The following HMCN1 variants were observed in gnomAD, a reference collection of about 807,000 sequenced individuals.
HMCN1 encodes the protein hemicentin-1.
In HMCN1, 321 loss-of-function variants were observed where a neutral mutation model predicts 625.9. The ratio of observed to expected loss-of-function variants is 0.51; its 90% CI spans 0.47 to 0.56. HMCN1 has a LOEUF of 0.56. Among genes scored for constraint, HMCN1 ranks in the 20% least tolerant of loss-of-function variants. The pLI is 0.00. For missense variants in HMCN1, 6,588 were observed against 6,887.3 expected, an observed-to-expected ratio of 0.96 and a Z score of 1.54; for synonymous variants, 2,425 against 2,417.6, an observed-to-expected ratio of 1.00 and a Z score of -0.09.
intron 11 of HMCN1, among the ~76,000 whole-genome samples, chr1:185,951,326 T>A (rs1425664339): frequency 1.3e-5 from 2 of 151,568 alleles, no homozygotes; most frequent in East Asian, 3.9e-4. Context: ...AAGAGTATTG[T>A]CTAAGTTGGC....
intron 15 of HMCN1, among the ~76,000 whole-genome samples, chr1:185,975,304 G>A (rs1275736859): frequency 5.3e-5 from 8 of 152,144 alleles, no homozygotes; most frequent in Admixed American, 4.6e-4. Flanking sequence ...TTGGCTCACC[G>A]TTCTGCAGGC....
rs756789681 is a variant in HMCN1, at chr1:185,965,814, T to C, written c.2111T>C (p.Leu704Ser). 1 of 1,607,312 alleles carries C rather than the reference T, an allele frequency of 6.2e-7. No homozygotes were observed. The highest frequency in any genetic ancestry group is 8.5e-7 in the Non-Finnish European group (1 of 1,173,952). Residue 704 changes from leucine (L) to serine (S), a missense_variant, in exon 14 of 107, where the codon TTG (leucine) becomes TCG (serine). By Grantham distance (145) the Leu-to-Ser change is moderately radical. This residue lies in a region of HMCN1 where 4,628 missense variants were observed against 4,853.1 expected (regional missense o/e 0.95). Coordinates refer to ENST00000271588, the MANE Select transcript of HMCN1 (RefSeq NM_031935.3). ...STLRYIEAPKLMVVQSELLVA... is the reference protein window; with the variant it reads ...STLRYIEAPKSMVVQSELLVA... Reference sequence around the variant, plus strand: ...TTGTTTTTTTCAGAAGCCCCTAAGTTGATGGTAGTTCAGAGTGAGCTCTTG... The same window carrying C: ...TTGTTTTTTTCAGAAGCCCCTAAGTCGATGGTAGTTCAGAGTGAGCTCTTG...
At chr1:185,997,093 T>G (rs999330979) in intron 24 of HMCN1, among the ~76,000 whole-genome samples, 1 of 152,000 alleles carries the variant, frequency 6.6e-6, no homozygotes. Flanking sequence ...GACACAGATA[T>G]GTGAATATAT....
At chr1:185,837,630 GAT>G (rs1661247487) in intron 1 of HMCN1, among the ~76,000 whole-genome samples, 1 of 151,642 alleles carries the variant, frequency 6.6e-6, no homozygotes, top group Admixed American at 6.6e-5. Flanking sequence ...ATATCGATCT[GAT>G]ATATATTCTT....
chr1:185,905,017 A>T (rs1666019173), intron 4 of HMCN1, among the ~76,000 whole-genome samples: 1 of 151,800 alleles, frequency 6.6e-6, no homozygotes, highest in African/African-American at 2.4e-5. Flanking sequence ...GCATTTAAAA[A>T]TCCTAAGCTA....
At chr1:185,882,401 G>A (rs1188682338) in intron 4 of HMCN1, among the ~76,000 whole-genome samples, 1 of 151,744 alleles carries the variant, frequency 6.6e-6, no homozygotes, top group East Asian at 1.9e-4. Context: ...CAGCTAAGTG[G>A]TTTTAAACAG....
chr1:186,005,627 CATAAATGTAA>C (rs1364536833), intron 29 of HMCN1, among the ~76,000 whole-genome samples: 6 of 151,348 alleles, frequency 4.0e-5, no homozygotes, highest in Non-Finnish European at 8.8e-5. Context: ...CAAAAATGTT[CATAAATGTAA>C]AAAACATGGA....
chr1:185,961,521 G>A (rs1398655083), intron 11 of HMCN1, among the ~76,000 whole-genome samples: 3 of 152,144 alleles, frequency 2.0e-5, no homozygotes, highest in Non-Finnish European at 4.4e-5. Flanking sequence ...AAAGCTGTCT[G>A]TTTCAAACAC....
chr1:186,050,795 T>G (rs1281613890), intron 42 of HMCN1, among the ~76,000 whole-genome samples: 2 of 152,080 alleles, frequency 1.3e-5, no homozygotes, highest in Admixed American at 1.3e-4. Flanking sequence ...GCTTCCATCT[T>G]CTAGGCGCTA....
At position 186,108,590 on chromosome 1, in the gene HMCN1, G is replaced by C. The variant is rs141818688; in HGVS notation, c.10982G>C (p.Arg3661Pro). Residue 3661 changes from arginine (R) to proline (P), a missense_variant, in exon 71 of 107, where the codon CGG becomes CCG. Arg to Pro is a moderately radical substitution (Grantham distance 103). Transcript: ENST00000271588. ...PVITWLRNGE[R>P]LQATPRVRIL... ...ATTACTTGGCTCAGAAATGGAGAAC[G>C]GTTACAGGTAAATTTTTTGATAAGC... The C allele has an allele frequency of 7.1e-4, 1,148 of 1,613,978 alleles. 1 individual carries two copies. Among genetic ancestry groups the C allele is most frequent in the Admixed American group, 1.2e-3 (71 of 60,010 alleles).
At chr1:185,981,628 G>C (rs922894323) in intron 17 of HMCN1, among the ~76,000 whole-genome samples, 4 of 151,990 alleles carry the variant, frequency 2.6e-5, no homozygotes, top group Non-Finnish European at 5.9e-5. Context: ...TTTTATATCT[G>C]TCAGTACATG....
At chr1:186,119,703 A>G in intron 78 of HMCN1, 42 bp from the exon 79 acceptor site, 1 of 1,602,594 alleles carries the variant, frequency 6.2e-7, no homozygotes, top group Non-Finnish European at 8.5e-7. Flanking sequence ...TGGTTTATTA[A>G]CTAGTGCTAT....
chr1:186,066,514 A>G (rs1194574796), intron 49 of HMCN1, among the ~76,000 whole-genome samples: 2 of 151,992 alleles, frequency 1.3e-5, no homozygotes, highest in African/African-American at 4.8e-5. Flanking sequence ...GTATCTTTCC[A>G]CCATCTGCCT....
chr1:185,750,085 T>G (rs1325605233), intron 1 of HMCN1, among the ~76,000 whole-genome samples: 1 of 152,234 alleles, frequency 6.6e-6, no homozygotes, highest in Admixed American at 6.5e-5. Flanking sequence ...ACTGGTTGTC[T>G]TTAGAGATGA....
At chr1:185,903,203 A>T (rs940045856) in intron 4 of HMCN1, among the ~76,000 whole-genome samples, 3 of 151,906 alleles carry the variant, frequency 2.0e-5, no homozygotes, top group Admixed American at 2.0e-4. Flanking sequence ...CTGTTCATAA[A>T]TGTCTAAAGT....
intron 4 of HMCN1, among the ~76,000 whole-genome samples, chr1:185,877,321 C>CTTT (rs71557837): frequency 4.1e-3 from 144 of 34,892 alleles, no homozygotes; most frequent in East Asian, 8.3e-3. Context: ...ATGTGTCTTT[C>CTTT]TTTTTTTTTT....
At position 185,977,621 on chromosome 1, in the gene HMCN1, A is replaced by G. The variant is rs951140641; in HGVS notation, c.2372-166A>G. 7.9e-5 allele frequency among the ~76,000 whole-genome samples: 12 copies of G among 152,290 alleles called. 1 individual carries two copies. The highest frequency in any genetic ancestry group is 7.9e-4 in the Admixed American group (12 of 15,274). ...TCTTCATTTATAAAGCAAAAAAGAA[A>G]CACCCACTGTTTTTACCTAAGAGAG... is the stretch of plus-strand genomic sequence containing the variant. On this transcript the variant is annotated intron_variant, in intron 15 of 106. Coordinates refer to ENST00000271588, the MANE Select transcript of HMCN1 (RefSeq NM_031935.3).
chr1:185,997,662 A>C (rs1652894983), intron 25 of HMCN1, 138 bp downstream of exon 25: 4 of 687,030 alleles, frequency 5.8e-6, no homozygotes, highest in Non-Finnish European at 1.1e-5. Flanking sequence ...AAACTAACCC[A>C]TTTTTCAGAT....
At chr1:185,776,690 T>C (rs1456422254) in intron 1 of HMCN1, among the ~76,000 whole-genome samples, 1 of 152,184 alleles carries the variant, frequency 6.6e-6, no homozygotes, top group Non-Finnish European at 1.5e-5. Context: ...TATATGCTTT[T>C]AGCATCACAG....
Sources: gnomAD v4.1 joint callset for allele counts (sites outside exome capture counted in the v4.1 genomes callset) on GRCh38, gnomAD v4.1.1 for gene constraint, gnomAD v4.1.1 regional missense constraint, MANE v1.5 for transcripts, NCBI Gene and HGNC (gene_info 2026-07-23, HGNC 2026-07-21) for gene names.